SERBP1: variants seen among roughly 807,000 people sequenced by gnomAD.
SERBP1 encodes SERPINE1 mRNA binding protein 1.
SERBP1 carries 6 observed loss-of-function variants against 50.2 expected under a neutral mutation model. That is an observed-to-expected ratio of 0.12 (90% CI 0.07 to 0.24). SERBP1 has a LOEUF of 0.24. Ranked by LOEUF, SERBP1 falls within the 10% of genes least tolerant of loss-of-function variation. The probability of loss-of-function intolerance (pLI) is 1.00; values close to 1 mark genes in which losing one functional copy is unlikely to be tolerated. For missense variants in SERBP1, 346 were observed against 524.9 expected (o/e 0.66, Z 3.33); for synonymous variants, 168 against 182.8 (o/e 0.92, Z 0.65).
In SERBP1 at chr1:67,409,430, C is replaced by CACACACACACA. The variant is rs1264200348; in HGVS notation, c.*3776_*3777insTGTGTGTGTGT. On this transcript the variant is annotated 3_prime_UTR_variant, in exon 8 of 8. Coordinates refer to ENST00000361219, the MANE Select transcript of SERBP1 (RefSeq NM_001018069.2). Reference sequence around the variant, plus strand: ...ACACACACACACACACCCCCACACACACCAGGTCACAGGCTGAACTTTGCT... The same window carrying CACACACACACA: ...ACACACACACACACACCCCCACACACACACACACACAACCAGGTCACAGGCTGAACTTTGCT... 6 of 148,354 alleles carry CACACACACACA rather than the reference C, an allele frequency of 4.0e-5. No individual in the cohort carries two copies. Among genetic ancestry groups the CACACACACACA allele is most frequent in the African/African-American group, 1.5e-4 (6 of 38,950 alleles). The allele number at this position is 148,354 out of a possible 1,614,324, so 9.2% of individuals were successfully genotyped here. A position where few individuals can be genotyped will look rare whatever the true frequency, so the allele number is the denominator to read the frequency against.
At chr1:67,413,289 C>G (rs1016493513) in intron 7 of SERBP1, 26 bp from the exon 8 acceptor site, 1 of 1,558,680 alleles carries the variant, frequency 6.4e-7, no homozygotes, top group African/African-American at 1.4e-5. Context: ...CAAAATTAAC[C>G]ACAGTTCTCA....
chr1:67,424,829 A>C, intron 4 of SERBP1, 59 bp downstream of exon 4: 1 of 1,262,706 alleles, frequency 7.9e-7, no homozygotes, highest in Non-Finnish European at 1.2e-6. Flanking sequence ...AAAATTTGAC[A>C]GAGGTATGGA....
intron 5 of SERBP1, among the ~76,000 whole-genome samples, chr1:67,421,464 T>C (rs1667193978): frequency 6.6e-6 from 1 of 152,222 alleles, no homozygotes; most frequent in South Asian, 2.1e-4. Context: ...TATGCCCAGA[T>C]TCTCCCCTAG....
In SERBP1 at chr1:67,408,430, A is replaced by C. The variant is rs926519842; in HGVS notation, c.*4777T>G. 1 of 152,228 alleles carries C rather than the reference A, an allele frequency of 6.6e-6. No individual in the cohort carries two copies. Among genetic ancestry groups the C allele is most frequent in the Non-Finnish European group, 1.5e-5 (1 of 68,036 alleles). The allele number at this position is 152,228 out of a possible 1,614,324, so 9.4% of individuals were successfully genotyped here. On this transcript the variant is annotated 3_prime_UTR_variant, in exon 8 of 8. Coordinates refer to ENST00000361219, the MANE Select transcript of SERBP1 (RefSeq NM_001018069.2). ...AGTATATACATACTAACTCAAAAAA[A>C]TAATTCGGTAAATCATTTTCTAACT...
intron 1 of SERBP1, among the ~76,000 whole-genome samples, chr1:67,428,902 T>C (rs745562537): frequency 6.6e-6 from 1 of 152,188 alleles, no homozygotes; most frequent in Non-Finnish European, 1.5e-5. Context: ...AACATATAAA[T>C]GCAGCTTTAA....
chr1:67,424,796 T>G lies in SERBP1; in HGVS notation c.695+92A>C, dbSNP rs1331982504. The G allele has an allele frequency of 1.4e-5, 13 of 953,628 alleles. No homozygotes were observed. The African/African-American group carries it at 2.1e-4, about 16-fold the overall frequency. The allele number at this position is 953,628 out of a possible 1,614,324, so 59.1% of individuals were successfully genotyped here. ...TATAGTAACTCTCAGAAGAGAGCAT[T>G]CATTCTTATCTCAGAGACAAGTAAA... On this transcript the variant is annotated intron_variant, in intron 4 of 7. Transcript: ENST00000361219.
chr1:67,420,373 G>C (rs1667161614), intron 5 of SERBP1, 187 bp from the exon 6 acceptor site: 2 of 516,288 alleles, frequency 3.9e-6, no homozygotes, highest in South Asian at 3.3e-5. Context: ...TTCAGTGTTT[G>C]CTAATTAGAG....
rs1666870914 is a variant in SERBP1, at chr1:67,412,335, G to A, written c.*872C>T. 6.6e-6 allele frequency: 1 copy of A among 152,516 alleles called. No homozygotes were observed. Among genetic ancestry groups the A allele is most frequent in the African/African-American group, 2.4e-5 (1 of 41,456 alleles). 9.4% of individuals were successfully genotyped at this position (152,516 alleles called of 1,614,324 possible). A position where few individuals can be genotyped will look rare whatever the true frequency, so the allele number is the denominator to read the frequency against. On this transcript the variant is annotated 3_prime_UTR_variant, in exon 8 of 8. Transcript: ENST00000361219. ...ATCAACTTATTCCACCCACCCTGGT[G>A]AAGGGGGAGAAAAAACCCATACCTA...
At chr1:67,421,462 G>C (rs1364094706) in intron 5 of SERBP1, among the ~76,000 whole-genome samples, 1 of 152,196 alleles carries the variant, frequency 6.6e-6, no homozygotes, top group Non-Finnish European at 1.5e-5. Context: ...GCTATGCCCA[G>C]ATTCTCCCCT....
At chr1:67,429,102 G>A (rs1344940081) in intron 1 of SERBP1, among the ~76,000 whole-genome samples, 2 of 151,904 alleles carry the variant, frequency 1.3e-5, no homozygotes, top group Non-Finnish European at 2.9e-5. Context: ...CATGCTTCAC[G>A]CACATGTGGT....
Position 67,430,169 on chromosome 1 carries a change from G to A in SERBP1, c.132C>T (p.Gly44=), listed in dbSNP as rs779405594. 1.2e-6 allele frequency: 2 copies of A among 1,610,642 alleles called. No homozygotes were observed. Among genetic ancestry groups the A allele is most frequent in the South Asian group, 1.1e-5 (1 of 90,902 alleles). ...TCTTGGCCCCAGGGCCCCCAACGCC[G>A]CCCCCGCCGGCTTCTTTTTTCTTGT... ...AENKKKEAGG[G]GVGGPGAKSA... Residue 44 remains glycine (G), a synonymous_variant, in exon 1 of 8, where the codon GGC becomes GGT. Transcript: ENST00000361219.
intron 7 of SERBP1, 131 bp from the exon 8 acceptor site, chr1:67,413,394 A>G: frequency 1.3e-6 from 1 of 799,324 alleles, no homozygotes; most frequent in East Asian, 3.3e-5. Flanking sequence ...CACACCTGTA[A>G]TCCCAGCGCT....
In SERBP1 at chr1:67,424,183, C is replaced by T; in HGVS notation, c.773+17G>A. 4 of 1,600,248 alleles carry T rather than the reference C, an allele frequency of 2.5e-6. No individual in the cohort carries two copies. The highest frequency in any genetic ancestry group is 3.4e-6 in the Non-Finnish European group (4 of 1,175,964). On this transcript the variant is annotated intron_variant, in intron 5 of 7. Transcript: ENST00000361219. ...TTTCAATTCTGGGTCATTACTATTACACGCAATACCACTTACTTATTTTCA... is the reference window on the plus strand; with the variant it reads ...TTTCAATTCTGGGTCATTACTATTATACGCAATACCACTTACTTATTTTCA...
intron 1 of SERBP1, among the ~76,000 whole-genome samples, chr1:67,428,321 A>C (rs1027768972): frequency 6.6e-6 from 1 of 152,316 alleles, no homozygotes; most frequent in Non-Finnish European, 1.5e-5. Flanking sequence ...GTTAACTTAA[A>C]ATACTACTTT....
chr1:67,420,671 C>T (rs1667170918), intron 5 of SERBP1: 1 of 152,520 alleles, frequency 6.6e-6, no homozygotes, highest in African/African-American at 2.4e-5. Context: ...AAGAACTGTT[C>T]CTCTATGCTT....
In SERBP1 at chr1:67,425,092, C is replaced by T. The variant is rs775017562; in HGVS notation, c.596G>A (p.Ser199Asn). 1.2e-6 allele frequency: 2 copies of T among 1,610,216 alleles called. No individual in the cohort carries two copies. The highest frequency in any genetic ancestry group is 1.7e-6 in the Non-Finnish European group (2 of 1,179,384). Reference protein sequence around the residue: ...GKREFDRHSGSDRSSFSHYSG... With the variant: ...GKREFDRHSGNDRSSFSHYSG... ...AACCAGTAAGACTTACGATCTATCA[C>T]TTCCACTATGCCTATCAAATTCACG... The change falls in exon 3 of 8, where the codon AGT becomes AAT. Residue 199 changes from serine (S) to asparagine (N), a missense_variant. Physicochemically the swap from Ser to Asn is conservative, Grantham distance 46 (BLOSUM62 1). Transcript: ENST00000361219.
chr1:67,420,215 T>C (rs569125852), intron 5 of SERBP1, 29 bp from the exon 6 acceptor site: 2 of 1,524,950 alleles, frequency 1.3e-6, no homozygotes, highest in Admixed American at 3.9e-5. Flanking sequence ...GTTTTATACC[T>C]GGTAGAGAGC....
At position 67,424,926 on chromosome 1, in the gene SERBP1, G is replaced by A. The variant is rs113349137; in HGVS notation, c.657C>T (p.Ser219=). ...TGACAGTTCCCCAGTTGTGAGATCC[G>A]CTACCTCCACGTTTGTCCTCGTGCT... ...GLKHEDKRGG[S]GSHNWGTVKD... is the part of the protein sequence containing the mutation. The change falls in exon 4 of 8, where the codon AGC becomes AGT. Residue 219 remains serine, a synonymous_variant. Transcript: ENST00000361219. 1.2e-3 allele frequency: 1,897 copies of A among 1,612,512 alleles called. 24 individuals are homozygous for A. In the African/African-American group the frequency reaches 0.021, roughly 18 times the overall value.
At chr1:67,422,693 C>T (rs927194104) in intron 5 of SERBP1, among the ~76,000 whole-genome samples, 8 of 152,086 alleles carry the variant, frequency 5.3e-5, no homozygotes, top group Non-Finnish European at 1.2e-4. Context: ...GGCGTGGTGG[C>T]TCATGCCCGT....
Sources: gnomAD v4.1 joint callset for allele counts (sites outside exome capture counted in the v4.1 genomes callset) on GRCh38, gnomAD v4.1.1 for gene constraint, MANE v1.5 for transcripts, NCBI Gene and HGNC (gene_info 2026-07-23, HGNC 2026-07-21) for gene names.